The following SRI variants were observed in gnomAD, a reference collection of about 807,000 sequenced individuals.
SRI encodes the protein sorcin, also known as 22 kDa protein.
A neutral mutation model predicts 33.3 loss-of-function variants in SRI; 30 were observed. That is an observed-to-expected ratio of 0.90 (90% CI 0.67 to 1.22). The LOEUF (loss-of-function observed/expected upper bound fraction) is 1.22, where lower values mean the gene tolerates loss of function less well. SRI is among the 50% of genes most tolerant of loss of function. The probability of loss-of-function intolerance (pLI) is 0.00; values close to 1 mark genes in which losing one functional copy is unlikely to be tolerated. For missense variants in SRI, 243 were observed against 250.8 expected, an observed-to-expected ratio of 0.97 and a Z score of 0.21; for synonymous variants, 75 against 89.9, an observed-to-expected ratio of 0.83 and a Z score of 0.94.
At chr7:88,215,760 T>C (rs1439797445) in intron 3 of SRI, among the ~76,000 whole-genome samples, 1 of 152,210 alleles carries the variant, frequency 6.6e-6, no homozygotes, top group Non-Finnish European at 1.5e-5. Context: ...CCACTATAAA[T>C]TCACAGCTGT....
chr7:88,210,639 G>A (rs1372193326), intron 4 of SRI: 5 of 484,088 alleles, frequency 1.0e-5, no homozygotes, highest in Non-Finnish European at 1.9e-5. Flanking sequence ...CTGACACTCT[G>A]GACTCTGTAC....
At chr7:88,215,765 A>C (rs1563475158) in intron 3 of SRI, among the ~76,000 whole-genome samples, 1 of 152,242 alleles carries the variant, frequency 6.6e-6, no homozygotes. Flanking sequence ...ATAAATTCAC[A>C]GCTGTGAATT....
Position 88,208,507 on chromosome 7 carries a change from A to G in SRI, c.570T>C (p.Asp190=). 1 of 1,613,922 alleles carries G rather than the reference A, an allele frequency of 6.2e-7. No homozygotes were observed. The highest frequency in any genetic ancestry group is 2.2e-5 in the East Asian group (1 of 44,846). ...GTATCTCTTAATTTCTAAGACTTAC[A>G]TCATCATATGGGAAATTCACAACAC... ...QQGVVNFPYD[D]FIQCVMSV is the part of the protein sequence containing the mutation. Residue 190 remains aspartate, a splice_region_variant and synonymous_variant, in exon 7 of 8, where the codon GAT becomes GAC. Transcript: ENST00000265729.
chr7:88,213,838 T>C (rs1410680645), intron 3 of SRI, among the ~76,000 whole-genome samples: 2 of 152,198 alleles, frequency 1.3e-5, no homozygotes, highest in African/African-American at 2.4e-5. Flanking sequence ...CAAAAATTAA[T>C]GTATAATCTT....
intron 7 of SRI, 23 bp downstream of exon 7, chr7:88,208,484 A>G: frequency 1.2e-6 from 2 of 1,613,380 alleles, no homozygotes; most frequent in South Asian, 1.1e-5. Flanking sequence ...CATCTACTGT[A>G]TCTCTTAATT....
intron 3 of SRI, among the ~76,000 whole-genome samples, chr7:88,211,969 A>G (rs1305075180): frequency 6.6e-6 from 1 of 151,734 alleles, no homozygotes; most frequent in Non-Finnish European, 1.5e-5. Context: ...ACATTGAATT[A>G]ATGGGAATCA....
At chr7:88,216,410 T>C (rs1404871026) in intron 3 of SRI, among the ~76,000 whole-genome samples, 1 of 152,122 alleles carries the variant, frequency 6.6e-6, no homozygotes, top group Non-Finnish European at 1.5e-5. Context: ...CCACTTAGCC[T>C]GAATACATTC....
chr7:88,210,563 C>T (rs1851551098), intron 4 of SRI: 1 of 383,536 alleles, frequency 2.6e-6, no homozygotes, highest in Admixed American at 4.0e-5. Context: ...AAACTCAGTC[C>T]AACAAGTGGG....
At chr7:88,208,371 ACT>A in intron 7 of SRI, 134 bp downstream of exon 7, 2 of 1,428,498 alleles carry the variant, frequency 1.4e-6, no homozygotes, top group Non-Finnish European at 1.8e-6. Context: ...CTGGATGATA[ACT>A]CTTTCTAACT....
At chr7:88,210,774 TTTTA>T (rs1851556795) in intron 4 of SRI, 104 bp downstream of exon 4, 1 of 1,105,668 alleles carries the variant, frequency 9.0e-7, no homozygotes, top group Admixed American at 2.2e-5. Flanking sequence ...TCAGAAAGCT[TTTTA>T]GTGATCATTT....
At chr7:88,215,186 G>C (rs1851677199) in intron 3 of SRI, among the ~76,000 whole-genome samples, 1 of 152,180 alleles carries the variant, frequency 6.6e-6, no homozygotes, top group African/African-American at 2.4e-5. Flanking sequence ...TCATAGGCAG[G>C]ATGGTTCTGT....
At chr7:88,207,554 T>C (rs1358681361) in intron 7 of SRI, 1 of 152,202 alleles carries the variant, frequency 6.6e-6, no homozygotes, top group African/African-American at 2.4e-5. Context: ...GAGCAAAAAC[T>C]GAAGAAACAA....
At chr7:88,217,482 G>T (rs573985604) in intron 2 of SRI, among the ~76,000 whole-genome samples, 1 of 151,678 alleles carries the variant, frequency 6.6e-6, no homozygotes, top group Admixed American at 6.5e-5. Context: ...ATTTTTTTTT[G>T]ATGGGGGTGG....
chr7:88,220,086 C>A (rs2115813278), upstream of SRI: 2 of 1,459,532 alleles, frequency 1.4e-6, no homozygotes, highest in East Asian at 5.8e-5. Context: ...GCCCCCTGCC[C>A]CGCCCCGCCC....
At chr7:88,220,042 G>A (rs944237616), upstream of SRI, 6 of 1,523,250 alleles carry the variant, frequency 3.9e-6, no homozygotes, top group Non-Finnish European at 5.3e-6. Context: ...AGACTGCGCC[G>A]CAGCCGCCCT....
At chr7:88,225,897 A>G (rs904195584) in intron 1 of SRI, among the ~76,000 whole-genome samples, 1 of 152,202 alleles carries the variant, frequency 6.6e-6, no homozygotes, top group African/African-American at 2.4e-5. Context: ...GATGAACAAG[A>G]TGTAAATATG....
chr7:88,219,074 G>A lies in SRI; in HGVS notation c.52-132C>T. On this transcript the variant is annotated intron_variant, in intron 1 of 7. Coordinates refer to ENST00000265729, the MANE Select transcript of SRI (RefSeq NM_003130.4). ...TCACAAGGCTCACCTCCCCACCACCGGGCACACTCTGCCAACACTCCACCC... is the reference window on the plus strand; with the variant it reads ...TCACAAGGCTCACCTCCCCACCACCAGGCACACTCTGCCAACACTCCACCC... The A allele has an allele frequency of 1.2e-5, 9 of 731,690 alleles. 1 individual carries two copies. Among genetic ancestry groups the A allele is most frequent in the South Asian group, 2.9e-5 (2 of 68,190 alleles). 45.3% of individuals were successfully genotyped at this position (731,690 alleles called of 1,614,324 possible). A position where few individuals can be genotyped will look rare whatever the true frequency, so the allele number is the denominator to read the frequency against.
Position 88,219,319 on chromosome 7 carries a change from C to T in SRI, c.52-377G>A, listed in dbSNP as rs77291874. Reference sequence around the variant, plus strand: ...TGGTATTTTAAGAGCGTTTTATGAACGATGGAAGGCTGGAGTTGGTAACAT... The same window carrying T: ...TGGTATTTTAAGAGCGTTTTATGAATGATGGAAGGCTGGAGTTGGTAACAT... On this transcript the variant is annotated intron_variant, in intron 1 of 7. Coordinates refer to ENST00000265729, the MANE Select transcript of SRI (RefSeq NM_003130.4). 8.3e-3 allele frequency: 2,441 copies of T among 295,538 alleles called. 62 individuals are homozygous for T. Among genetic ancestry groups the T allele is most frequent in the African/African-American group, 0.05 (2,300 of 45,730 alleles). The allele number at this position is 295,538 out of a possible 1,614,324, so 18.3% of individuals were successfully genotyped here. A position where few individuals can be genotyped will look rare whatever the true frequency, so the allele number is the denominator to read the frequency against.
At chr7:88,218,774 A>G in intron 2 of SRI, 85 bp downstream of exon 2, 1 of 1,304,604 alleles carries the variant, frequency 7.7e-7, no homozygotes, top group Non-Finnish European at 1.1e-6. Flanking sequence ...GTACCACAGG[A>G]AGTTCGCTTT....
Sources: allele counts gnomAD v4.1 joint callset (sites outside exome capture counted in the v4.1 genomes callset), GRCh38; gene constraint gnomAD v4.1.1; transcripts MANE v1.5; gene names NCBI Gene and HGNC (gene_info 2026-07-23, HGNC 2026-07-21).